COL4A6: variants seen among roughly 807,000 people sequenced by gnomAD.
COL4A6 encodes the protein collagen alpha-6(IV) chain.
Under a neutral mutation model 126.7 loss-of-function variants are expected in COL4A6, and 59 were observed. That is an observed-to-expected ratio of 0.47 (90% CI 0.38 to 0.58). The LOEUF (loss-of-function observed/expected upper bound fraction) is 0.58, where lower values mean the gene tolerates loss of function less well. COL4A6 is among the 20% of genes least tolerant of loss of function. COL4A6 has a pLI of 0.00. For synonymous variants in COL4A6, 547 were observed against 496.6 expected, an observed-to-expected ratio of 1.10 and a Z score of -1.35; for missense variants, 1,285 against 1,337.3, an observed-to-expected ratio of 0.96 and a Z score of 0.61.
At chrX:108,229,485 G>C (rs1334493674) in intron 3 of COL4A6, among the ~76,000 whole-genome samples, 2 of 111,797 alleles carry the variant, frequency 1.8e-5, no homozygotes, top group Non-Finnish European at 3.8e-5. Flanking sequence ...TTCAGCTCCG[G>C]AGTTTCAGAT....
intron 40 of COL4A6, 68 bp downstream of exon 40, chrX:108,164,532 T>C: frequency 2.9e-6 from 3 of 1,029,571 alleles, no homozygotes; most frequent in Non-Finnish European, 4.1e-6. Context: ...CAATGATGCC[T>C]GAAGGAACCT....
chrX:108,212,648 G>GT (rs778256472), intron 6 of COL4A6, among the ~76,000 whole-genome samples: 35 of 106,395 alleles, frequency 3.3e-4, no homozygotes, highest in South Asian at 8.2e-4. Flanking sequence ...AGCAGAAACC[G>GT]TTTTTTTTTT....
At chrX:108,418,270 T>C (rs113345383) in intron 2 of COL4A6, among the ~76,000 whole-genome samples, 9 of 112,380 alleles carry the variant, frequency 8.0e-5, no homozygotes, top group African/African-American at 2.9e-4. Context: ...TATTTTCAAG[T>C]GGTTTGAATA....
Position 108,373,301 on chromosome X carries a change from C to T in COL4A6, c.64-62473G>A, listed in dbSNP as rs55694062. ...AAGGTCCATCCCTCTCTTCTGTAAT[C>T]TCTTTCTTTTCAGCCGTGAGGTCTA... On this transcript the variant is annotated intron_variant, in intron 2 of 44. Coordinates refer to ENST00000334504, the MANE Select transcript of COL4A6 (RefSeq NM_033641.4). 7.4e-3 allele frequency among the ~76,000 whole-genome samples: 825 copies of T among 111,973 alleles called. 4 individuals are homozygous for T. Among genetic ancestry groups the T allele is most frequent in the Non-Finnish European group, 0.012 (637 of 53,192 alleles).
At position 108,251,201 on chromosome X, in the gene COL4A6, G is replaced by T. The variant is rs149027930; in HGVS notation, c.145-29827C>A. 2.2e-3 allele frequency among the ~76,000 whole-genome samples: 241 copies of T among 111,640 alleles called. 6 individuals are homozygous for T. In the East Asian group the frequency reaches 0.056, roughly 26 times the overall value. ...AACCCAAAGATTTAGATATAGATGG[G>T]AGAATGAAAACATCTTTTGAACAGG... On this transcript the variant is annotated intron_variant, in intron 3 of 44. Coordinates refer to ENST00000334504, the MANE Select transcript of COL4A6 (RefSeq NM_033641.4).
intron 3 of COL4A6, among the ~76,000 whole-genome samples, chrX:108,264,312 C>T (rs1354467641): frequency 8.9e-6 from 1 of 111,846 alleles, no homozygotes; most frequent in Non-Finnish European, 1.9e-5. Context: ...CCTCCTAACA[C>T]CAAGTGTACA....
intron 3 of COL4A6, among the ~76,000 whole-genome samples, chrX:108,265,121 G>C (rs1055985452): frequency 2.7e-5 from 3 of 111,256 alleles, no homozygotes; most frequent in Non-Finnish European, 5.7e-5. Flanking sequence ...AACCATCAGT[G>C]GTACTTGATA....
chrX:108,297,711 C>T (rs1166699220), intron 3 of COL4A6, among the ~76,000 whole-genome samples: 1 of 111,532 alleles, frequency 9.0e-6, no homozygotes, highest in East Asian at 2.8e-4. Context: ...CTACCCTGTT[C>T]TGGGTCCCTG....
chrX:108,363,209 G>C (rs2040125678), intron 2 of COL4A6, among the ~76,000 whole-genome samples: 1 of 111,790 alleles, frequency 8.9e-6, no homozygotes, highest in South Asian at 3.8e-4. Flanking sequence ...GAATATTATA[G>C]AGGAGGTTTG....
rs755436753 is a variant in COL4A6 at position 108,175,603 on chromosome X, A to G, written c.2830+51T>C. On this transcript the variant is annotated intron_variant, in intron 29 of 44. Coordinates refer to ENST00000334504, the MANE Select transcript of COL4A6 (RefSeq NM_033641.4). ...ATAACCAAGTCAACAAACAAAATAT[A>G]TATATTGAAAAGCATGGGCAGCAGT... 4 of 1,133,960 alleles carry G rather than the reference A, an allele frequency of 3.5e-6. No individual in the cohort carries two copies. In the East Asian group the frequency reaches 9.1e-5, roughly 26 times the overall value. 93.5% of individuals were successfully genotyped at this position (1,133,960 alleles called of 1,213,427 possible). A position where few individuals can be genotyped will look rare whatever the true frequency, so the allele number is the denominator to read the frequency against.
intron 3 of COL4A6, among the ~76,000 whole-genome samples, chrX:108,270,227 G>A (rs1489017710): frequency 8.9e-6 from 1 of 111,778 alleles, no homozygotes; most frequent in East Asian, 2.8e-4. Flanking sequence ...CCAATTCTTT[G>A]CCCCCTACTC....
At chrX:108,327,333 C>T (rs1569426948) in intron 2 of COL4A6, among the ~76,000 whole-genome samples, 2 of 107,114 alleles carry the variant, frequency 1.9e-5, no homozygotes, top group Admixed American at 2.0e-4. Context: ...CACCCCGGCC[C>T]CTTCTATGGA....
At chrX:108,243,018 C>G (rs2036615824) in intron 3 of COL4A6, among the ~76,000 whole-genome samples, 1 of 111,452 alleles carries the variant, frequency 9.0e-6, no homozygotes, top group South Asian at 3.9e-4. Context: ...TCTCAGCTGT[C>G]CTGTGTCTAC....
rs1472752924 is a variant in COL4A6, at chrX:108,223,208, C to T, written c.145-1834G>A. Among the ~76,000 whole-genome samples the T allele has an allele frequency of 2.7e-5, 3 of 110,951 alleles. No homozygotes were observed. The East Asian group carries it at 8.5e-4, about 32-fold the overall frequency. On this transcript the variant is annotated intron_variant, in intron 3 of 44. Transcript: ENST00000334504. ...CAACATATGGGCACAGGGAGGGGAA[C>T]ATCACACATGCGGGCCTGTTGAGGG...
At chrX:108,260,218 A>AT (rs1347044580) in intron 3 of COL4A6, among the ~76,000 whole-genome samples, 2 of 111,357 alleles carry the variant, frequency 1.8e-5, no homozygotes, top group East Asian at 5.6e-4. Flanking sequence ...TCCATAGCTG[A>AT]TTTTCAACTC....
At chrX:108,404,270 A>C in intron 2 of COL4A6, among the ~76,000 whole-genome samples, 1 of 112,089 alleles carries the variant, frequency 8.9e-6, no homozygotes, top group East Asian at 2.8e-4. Context: ...AAATCCTATT[A>C]ATCTCTCCTG....
chrX:108,299,034 A>G (rs1173786904), intron 3 of COL4A6, among the ~76,000 whole-genome samples: 2 of 111,117 alleles, frequency 1.8e-5, no homozygotes, highest in Non-Finnish European at 3.8e-5. Flanking sequence ...CACGTTAGGC[A>G]TCTTGGGACT....
Position 108,156,535 on chromosome X carries a change from G to A in COL4A6, c.*465C>T, listed in dbSNP as rs189587894. 1 of 134,981 alleles carries A rather than the reference G, an allele frequency of 7.4e-6. No individual in the cohort carries two copies. The highest frequency in any genetic ancestry group is 3.2e-5 in the African/African-American group (1 of 31,648). The allele number at this position is 134,981 out of a possible 1,213,427, so 11.1% of individuals were successfully genotyped here. A position where few individuals can be genotyped will look rare whatever the true frequency, so the allele number is the denominator to read the frequency against. ...GAAGAGTGAGGACTTGCTCTGTGCA[G>A]ACTTGAGCCATCCATGAATATTCGG... On this transcript the variant is annotated 3_prime_UTR_variant, in exon 45 of 45. Coordinates refer to ENST00000334504, the MANE Select transcript of COL4A6 (RefSeq NM_033641.4).
At chrX:108,350,354 A>G (rs1379269143) in intron 2 of COL4A6, among the ~76,000 whole-genome samples, 1 of 111,133 alleles carries the variant, frequency 9.0e-6, no homozygotes, top group Non-Finnish European at 1.9e-5. Flanking sequence ...TAGGGCAGTG[A>G]TTCTCAAAAT....
Sources: gnomAD v4.1 joint callset for allele counts (sites outside exome capture counted in the v4.1 genomes callset) on GRCh38, gnomAD v4.1.1 for gene constraint, MANE v1.5 for transcripts, NCBI Gene and HGNC (gene_info 2026-07-23, HGNC 2026-07-21) for gene names.